The following SERINC5 variants were observed in gnomAD, a reference collection of about 807,000 sequenced individuals.
The protein encoded by SERINC5 is chromosome 5 open reading frame 12.
SERINC5 carries 41 observed loss-of-function variants against 63.1 expected under a neutral mutation model. The observed-to-expected ratio is 0.65, with a 90% CI of 0.51 to 0.84. The LOEUF (loss-of-function observed/expected upper bound fraction) is 0.84, where lower values mean the gene tolerates loss of function less well. SERINC5 is among the 40% of genes least tolerant of loss of function. The pLI is 0.00. For synonymous variants in SERINC5, 222 were observed against 215.2 expected (o/e 1.03, Z -0.28); for missense variants, 523 against 573.0 (o/e 0.91, Z 0.89).
chr5:80,114,710 A>G (rs1306387771), intron 11 of SERINC5: 1 of 151,862 alleles, frequency 6.6e-6, no homozygotes, highest in Non-Finnish European at 1.5e-5. Context: ...CATCACAAGA[A>G]CAGCATTGGG....
intron 7 of SERINC5, among the ~76,000 whole-genome samples, chr5:80,164,663 C>T (rs753711968): frequency 1.3e-5 from 2 of 152,074 alleles, no homozygotes; most frequent in Non-Finnish European, 1.5e-5. Flanking sequence ...GGATTACAAG[C>T]ATGAGCCAAC....
chr5:80,129,219 T>C (rs1744851420), intron 11 of SERINC5: 1 of 152,246 alleles, frequency 6.6e-6, no homozygotes, highest in South Asian at 2.1e-4. Context: ...TTTGGGTACA[T>C]TTCCTTTGGG....
chr5:80,139,247 T>C lies in SERINC5; in HGVS notation c.*4416A>G. The C allele has an allele frequency of 1.0e-6, 1 of 969,238 alleles. No individual in the cohort carries two copies. 60.0% of individuals were successfully genotyped at this position (969,238 alleles called of 1,614,324 possible). Reference sequence around the variant, plus strand: ...TTTTCTTTTTGCAAAGTAAAAAGGCTTAAATCTTTAATAAAGGAAAACAAA... The same window carrying C: ...TTTTCTTTTTGCAAAGTAAAAAGGCCTAAATCTTTAATAAAGGAAAACAAA... On this transcript the variant is annotated 3_prime_UTR_variant, in exon 12 of 12. Transcript: ENST00000507668.
intron 1 of SERINC5, among the ~76,000 whole-genome samples, chr5:80,222,553 A>AGTATGTGAGTGTGTGTGT (rs550308144): frequency 8.3e-4 from 115 of 139,008 alleles, no homozygotes; most frequent in African/African-American, 2.7e-3. Flanking sequence ...TTTGTGGGTG[A>AGTATGTGAGTGTGTGTGT]GTGTGTGAGT....
At chr5:80,186,258 T>C (rs186753667) in intron 2 of SERINC5, among the ~76,000 whole-genome samples, 1,647 of 149,418 alleles carry the variant, frequency 0.011, 35 homozygotes, top group African/African-American at 0.037. Flanking sequence ...TGCCTCAGCC[T>C]CCCGAGTAGC....
At chr5:80,231,003 G>C (rs913183177) in intron 1 of SERINC5, among the ~76,000 whole-genome samples, 2 of 103,620 alleles carry the variant, frequency 1.9e-5, no homozygotes, top group African/African-American at 1.1e-4. Flanking sequence ...GTAGAGACTG[G>C]GTTTTGCCCG....
Position 80,142,902 on chromosome 5 carries a change from C to T in SERINC5, c.*761G>A, listed in dbSNP as rs530495676. 2.6e-5 allele frequency: 26 copies of T among 985,314 alleles called. No individual in the cohort carries two copies. Among genetic ancestry groups the T allele is most frequent in the African/African-American group, 2.3e-4 (13 of 57,324 alleles). 61.0% of individuals were successfully genotyped at this position (985,314 alleles called of 1,614,324 possible). On this transcript the variant is annotated 3_prime_UTR_variant, in exon 12 of 12. Transcript: ENST00000507668. ...TGTGAATAACACCATAAATAAGCGCCGTACTTATTGCAGTAACTCGGATCA... is the reference window on the plus strand; with the variant it reads ...TGTGAATAACACCATAAATAAGCGCTGTACTTATTGCAGTAACTCGGATCA...
intron 11 of SERINC5, among the ~76,000 whole-genome samples, chr5:80,128,205 A>T (rs1334887659): frequency 6.6e-6 from 1 of 152,210 alleles, no homozygotes; most frequent in Non-Finnish European, 1.5e-5. Context: ...GTTTTCTGGC[A>T]ATAAGAAGAT....
chr5:80,208,869 C>T (rs990541666), intron 1 of SERINC5, among the ~76,000 whole-genome samples: 3 of 152,156 alleles, frequency 2.0e-5, no homozygotes, highest in African/African-American at 7.2e-5. Context: ...TTTGTTAATA[C>T]GTCAGGTGTG....
intron 1 of SERINC5, among the ~76,000 whole-genome samples, chr5:80,245,023 G>A (rs573917614): frequency 6.6e-5 from 10 of 152,216 alleles, no homozygotes; most frequent in East Asian, 3.9e-4. Context: ...TCAAGTTGTC[G>A]TCTGACCAGG....
At chr5:80,136,394 C>A (rs150702863), downstream of SERINC5, among the ~76,000 whole-genome samples, 277 of 152,250 alleles carry the variant, frequency 1.8e-3, 9 homozygotes, top group East Asian at 0.044. Context: ...AAGACAAGCT[C>A]GGGGTTTCAT....
In SERINC5 at chr5:80,143,701, C is replaced by T. The variant is rs537411704; in HGVS notation, c.1348G>A (p.Ala450Thr). ...TCCCGGGTGGGGCAGCAGAGGGGAGCGACCAGCGTACACAGGTACAACAGC... is the reference window on the plus strand; with the variant it reads ...TCCCGGGTGGGGCAGCAGAGGGGAGTGACCAGCGTACACAGGTACAACAGC... ...CVLLYLCTLVAPLCCPTREFS... is the reference protein window; with the variant it reads ...CVLLYLCTLVTPLCCPTREFS... Residue 450 changes from alanine (A) to threonine (T), a missense_variant, in exon 12 of 12, where the codon GCT (alanine) becomes ACT (threonine). Ala to Thr is a moderately conservative substitution (Grantham distance 58, BLOSUM62 0). Coordinates refer to ENST00000507668, the MANE Select transcript of SERINC5 (RefSeq NM_001174072.3). 106 of 1,536,074 alleles carry T rather than the reference C, an allele frequency of 6.9e-5. 1 individual carries two copies. In the African/African-American group the frequency reaches 1.1e-3, roughly 16 times the overall value.
downstream of SERINC5, among the ~76,000 whole-genome samples, chr5:80,138,150 AG>A (rs1745288939): frequency 6.7e-6 from 1 of 148,412 alleles, no homozygotes. Context: ...CAGAGTGTAA[AG>A]GTGGTTACTA....
chr5:80,128,853 T>C (rs553536623), intron 11 of SERINC5: 5 of 152,342 alleles, frequency 3.3e-5, no homozygotes, highest in African/African-American at 7.2e-5. Flanking sequence ...ATTCTTACTC[T>C]TTCCCTCCCT....
chr5:80,113,713 T>C, intron 11 of SERINC5: 1 of 169,520 alleles, frequency 5.9e-6, no homozygotes. Context: ...ACTTATTCAC[T>C]ATCACAAGAA....
At chr5:80,253,264 G>A (rs996863947) in intron 1 of SERINC5, among the ~76,000 whole-genome samples, 3 of 152,168 alleles carry the variant, frequency 2.0e-5, no homozygotes, top group Non-Finnish European at 4.4e-5. Context: ...CTCCTCCTGG[G>A]ACTACAGCAA....
Position 80,241,971 on chromosome 5 carries a change from T to TA in SERINC5, c.27+13924dup, listed in dbSNP as rs895227492. Among the ~76,000 whole-genome samples the TA allele has an allele frequency of 3.1e-3, 439 of 139,616 alleles. 3 individuals carry two copies. Among genetic ancestry groups the TA allele is most frequent in the African/African-American group, 7.6e-3 (291 of 38,132 alleles). 91.6% of individuals were successfully genotyped at this position (139,616 alleles called of 152,430 possible). A position where few individuals can be genotyped will look rare whatever the true frequency, so the allele number is the denominator to read the frequency against. Reference sequence around the variant, plus strand: ...AGACCGTGTCTCCACAAAAGAGAATTAAAAAAAAAAAAATCCATGTCAGGT... The same window carrying TA: ...AGACCGTGTCTCCACAAAAGAGAATTAAAAAAAAAAAAAATCCATGTCAGGT... On this transcript the variant is annotated intron_variant, in intron 1 of 11. Transcript: ENST00000507668.
chr5:80,191,445 C>G (rs1449970672), intron 2 of SERINC5, among the ~76,000 whole-genome samples: 2 of 145,434 alleles, frequency 1.4e-5, no homozygotes, highest in African/African-American at 2.6e-5. Flanking sequence ...GAGTTTGAGA[C>G]CAGCCTGGGC....
chr5:80,195,897 T>C (rs990916564), intron 2 of SERINC5, among the ~76,000 whole-genome samples: 12 of 152,188 alleles, frequency 7.9e-5, no homozygotes, highest in African/African-American at 2.9e-4. Flanking sequence ...GGGAGAAATG[T>C]AGCAAACAGC....
Sources: gnomAD v4.1 joint callset for allele counts (sites outside exome capture counted in the v4.1 genomes callset) on GRCh38, gnomAD v4.1.1 for gene constraint, MANE v1.5 for transcripts, NCBI Gene and HGNC (gene_info 2026-07-23, HGNC 2026-07-21) for gene names.